PTPRN2: variants seen among roughly 807,000 people sequenced by gnomAD.
PTPRN2 encodes protein tyrosine phosphatase receptor type N2.
In PTPRN2, 74 loss-of-function variants were observed where a neutral mutation model predicts 118.8. The ratio of observed to expected loss-of-function variants is 0.62; its 90% CI spans 0.52 to 0.76. PTPRN2 has a LOEUF of 0.76. Ranked by LOEUF, PTPRN2 falls within the 30% of genes least tolerant of loss-of-function variation. The probability of loss-of-function intolerance (pLI) is 0.00; values close to 1 mark genes in which losing one functional copy is unlikely to be tolerated. For missense variants in PTPRN2, 1,481 were observed against 1,394.4 expected, an observed-to-expected ratio of 1.06 and a Z score of -0.99; for synonymous variants, 641 against 608.0, an observed-to-expected ratio of 1.05 and a Z score of -0.80.
chr7:158,136,655 C>T lies in PTPRN2; in HGVS notation c.1173G>A (p.Glu391=). The part of the protein sequence containing the change: ...VQDDDDRLYQ[E]VHRLSATLGG... ...ACAAACACCAGAGACGTCATCTTAC[C>T]TCTTGGTAAAGTCTATCATCGTCGT... Residue 391 remains glutamate, a splice_region_variant and synonymous_variant, in exon 8 of 23, where the codon GAG becomes GAA. Transcript: ENST00000389418. 1.2e-6 allele frequency: 2 copies of T among 1,613,160 alleles called. No individual in the cohort carries two copies. Among genetic ancestry groups the T allele is most frequent in the South Asian group, 2.2e-5 (2 of 91,044 alleles).
intron 2 of PTPRN2, among the ~76,000 whole-genome samples, chr7:158,397,749 C>T (rs922197007): frequency 6.6e-6 from 1 of 152,122 alleles, no homozygotes; most frequent in African/African-American, 2.4e-5. Flanking sequence ...TGTGAGGCCT[C>T]TTGACCAAAA....
At chr7:158,211,234 G>T (rs1263343646) in intron 3 of PTPRN2, among the ~76,000 whole-genome samples, 1 of 152,092 alleles carries the variant, frequency 6.6e-6, no homozygotes, top group East Asian at 1.9e-4. Context: ...AGAAAACACT[G>T]GGAAAACTCC....
chr7:157,726,487 C>T (rs962847899), intron 12 of PTPRN2, among the ~76,000 whole-genome samples: 5 of 152,226 alleles, frequency 3.3e-5, no homozygotes, highest in Non-Finnish European at 7.3e-5. Context: ...TGACTCACAG[C>T]GAATAGCAGA....
chr7:158,398,050 C>A (rs908094712), intron 2 of PTPRN2, among the ~76,000 whole-genome samples: 24 of 152,272 alleles, frequency 1.6e-4, no homozygotes, highest in African/African-American at 5.1e-4. Flanking sequence ...TTTGCAGACT[C>A]GAAGATTCTG....
chr7:157,811,835 G>T (rs10249767), intron 12 of PTPRN2, among the ~76,000 whole-genome samples: 32,093 of 151,988 alleles, frequency 0.21, 5,950 homozygotes, highest in African/African-American at 0.5. Context: ...GGATTTTAGG[G>T]TCTAGACCAA....
chr7:158,373,178 C>T (rs1810231016), intron 2 of PTPRN2, among the ~76,000 whole-genome samples: 1 of 152,252 alleles, frequency 6.6e-6, no homozygotes, highest in South Asian at 2.1e-4. Context: ...ACTAATATGA[C>T]AGCAGATGTG....
chr7:157,672,082 C>G (rs564734493), intron 13 of PTPRN2, among the ~76,000 whole-genome samples: 1 of 152,016 alleles, frequency 6.6e-6, no homozygotes, highest in Admixed American at 6.5e-5. Flanking sequence ...GACTGGGGTA[C>G]AGGGGCCACG....
chr7:158,297,979 GT>G (rs374591921), intron 3 of PTPRN2, among the ~76,000 whole-genome samples: 131 of 152,038 alleles, frequency 8.6e-4, no homozygotes, highest in African/African-American at 2.6e-3. Flanking sequence ...CAACTTACAG[GT>G]TTTTTTTCTA....
intron 3 of PTPRN2, among the ~76,000 whole-genome samples, chr7:158,303,221 T>G (rs923711552): frequency 6.6e-6 from 1 of 151,410 alleles, no homozygotes; most frequent in African/African-American, 2.4e-5. Context: ...AATAATAGGA[T>G]GTGATCCTGA....
intron 3 of PTPRN2, among the ~76,000 whole-genome samples, chr7:158,273,985 C>T (rs1798747224): frequency 2.1e-5 from 2 of 96,648 alleles, no homozygotes; most frequent in South Asian, 6.2e-4. Context: ...GCCGCAGACA[C>T]AGGGAGCCGC....
At chr7:157,908,401 A>T (rs1445787435) in intron 11 of PTPRN2, among the ~76,000 whole-genome samples, 1 of 152,256 alleles carries the variant, frequency 6.6e-6, no homozygotes, top group Non-Finnish European at 1.5e-5. Flanking sequence ...GGCAGGAGAA[A>T]AGACAAATTA....
At chr7:158,549,112 C>T (rs747871879) in intron 1 of PTPRN2, among the ~76,000 whole-genome samples, 1 of 152,182 alleles carries the variant, frequency 6.6e-6, no homozygotes, top group Admixed American at 6.5e-5. Context: ...CCAAGGCGAG[C>T]ACAAGCGGGA....
At chr7:157,738,548 G>A (rs962551920) in intron 12 of PTPRN2, among the ~76,000 whole-genome samples, 2 of 152,196 alleles carry the variant, frequency 1.3e-5, no homozygotes, top group African/African-American at 2.4e-5. Context: ...TGCAGCCAGC[G>A]GCTGGTCACT....
intron 2 of PTPRN2, among the ~76,000 whole-genome samples, chr7:158,321,500 G>A (rs901910314): frequency 4.6e-5 from 7 of 152,190 alleles, no homozygotes; most frequent in East Asian, 1.9e-4. Flanking sequence ...GCAGCCCTGC[G>A]GGCCATGCTG....
intron 3 of PTPRN2, among the ~76,000 whole-genome samples, chr7:158,265,271 C>A (rs1797795418): frequency 6.6e-6 from 1 of 152,114 alleles, no homozygotes; most frequent in African/African-American, 2.4e-5. Flanking sequence ...TCAGAGTGGT[C>A]CCCAGAGGCC....
chr7:157,880,216 G>A (rs1349607737), intron 12 of PTPRN2, among the ~76,000 whole-genome samples: 1 of 152,184 alleles, frequency 6.6e-6, no homozygotes, highest in Non-Finnish European at 1.5e-5. Context: ...GAGACGATCT[G>A]TAAATTAGCA....
At chr7:157,947,641 T>C (rs912372705) in intron 11 of PTPRN2, among the ~76,000 whole-genome samples, 4 of 152,210 alleles carry the variant, frequency 2.6e-5, no homozygotes, top group African/African-American at 9.6e-5. Context: ...GACGAAATCA[T>C]GTATAGAGTT....
chr7:157,592,949 T>C (rs1199260450), intron 17 of PTPRN2, among the ~76,000 whole-genome samples: 24 of 81,920 alleles, frequency 2.9e-4, no homozygotes, highest in Middle Eastern at 0.03. Context: ...ACCTGCTGAA[T>C]GGAGGGTGGA....
chr7:158,396,725 TGC>T (rs911269268), intron 2 of PTPRN2, among the ~76,000 whole-genome samples: 15 of 151,978 alleles, frequency 9.9e-5, no homozygotes, highest in African/African-American at 2.4e-4. Context: ...TGTGTGTGTG[TGC>T]GCATACCATC....
Sources: gnomAD v4.1 joint callset for allele counts (sites outside exome capture counted in the v4.1 genomes callset) on GRCh38, gnomAD v4.1.1 for gene constraint, MANE v1.5 for transcripts, NCBI Gene and HGNC (gene_info 2026-07-23, HGNC 2026-07-21) for gene names.